Variants in HYDIN observed in about 807,000 individuals in gnomAD.
The protein encoded by HYDIN is axonemal central pair apparatus protein HYDIN.
Under a neutral mutation model 403.9 loss-of-function variants are expected in HYDIN, and 132 were observed. The ratio of observed to expected loss-of-function variants is 0.33; its 90% CI spans 0.28 to 0.38. The LOEUF is 0.38. HYDIN is among the 10% of genes least tolerant of loss of function. The pLI is 1.00. For synonymous variants in HYDIN, 1,202 were observed against 1,891.7 expected (o/e 0.64, Z 9.46); for missense variants, 2,827 against 5,009.5 (o/e 0.56, Z 13.15).
At position 71,110,432 on chromosome 16, in the gene HYDIN, A is replaced by ATT. The variant is rs1248546718; in HGVS notation, c.1327+5263_1327+5264insAA. On this transcript the variant is annotated intron_variant, in intron 10 of 85. Transcript: ENST00000393567. ...TATAATATATTTATATATAATTATA[A>ATT]ATATATAAATAATATAATATATAAA... Among the ~76,000 whole-genome samples, 1,260 of 141,746 alleles carry ATT rather than the reference A, an allele frequency of 8.9e-3. 17 individuals carry two copies. The highest frequency in any genetic ancestry group is 0.032 in the African/African-American group (1,221 of 38,548). 93.0% of individuals were successfully genotyped at this position (141,746 alleles called of 152,430 possible).
chr16:70,883,006 T>C lies in HYDIN; in HGVS notation c.9980-111A>G, dbSNP rs144002731. On this transcript the variant is annotated intron_variant, in intron 59 of 85. Coordinates refer to ENST00000393567, the MANE Select transcript of HYDIN (RefSeq NM_001270974.2). ...ACAAAGGAGAATTGTGGAGGACACA[T>C]AGGCGAAGTCATGCAAGGGGGTGTG... The C allele has an allele frequency of 1.4e-3, 1,155 of 854,810 alleles. 1 individual carries two copies. Among genetic ancestry groups the C allele is most frequent in the Admixed American group, 1.7e-3 (92 of 54,054 alleles). 53.0% of individuals were successfully genotyped at this position (854,810 alleles called of 1,614,324 possible). A position where few individuals can be genotyped will look rare whatever the true frequency, so the allele number is the denominator to read the frequency against.
Position 70,879,394 on chromosome 16 carries a change from T to C in HYDIN, c.10460A>G (p.Gln3487Arg). 6.3e-7 allele frequency: 1 copy of C among 1,583,326 alleles called. No individual in the cohort carries two copies. The highest frequency in any genetic ancestry group is 8.7e-7 in the Non-Finnish European group (1 of 1,153,566). ...VTVVRPVLHNQYGNPLLLFKR... is the reference protein window; with the variant it reads ...VTVVRPVLHNRYGNPLLLFKR... ...AAAGAGGAGCAAGGGGTTTCCATAT[T>C]GGTTATGAAGAACTGGCCGCACAAC... Residue 3487 changes from glutamine (Q) to arginine (R), a missense_variant, in exon 62 of 86, where the codon CAA (glutamine) becomes CGA (arginine). By Grantham distance (43) the Gln-to-Arg change is conservative. Coordinates refer to ENST00000393567, the MANE Select transcript of HYDIN (RefSeq NM_001270974.2).
chr16:71,049,686 C>T (rs1460418091), intron 18 of HYDIN, among the ~76,000 whole-genome samples: 1 of 149,198 alleles, frequency 6.7e-6, no homozygotes, highest in Admixed American at 6.7e-5. Context: ...AAAATGCACC[C>T]GAGATTCTTA....
chr16:71,115,682 G>A lies in HYDIN; in HGVS notation c.1327+14C>T. 1.2e-6 allele frequency: 1 copy of A among 844,144 alleles called. No homozygotes were observed. The highest frequency in any genetic ancestry group is 2.0e-6 in the Non-Finnish European group (1 of 495,540). 52.3% of individuals were successfully genotyped at this position (844,144 alleles called of 1,614,324 possible). A position where few individuals can be genotyped will look rare whatever the true frequency, so the allele number is the denominator to read the frequency against. On this transcript the variant is annotated intron_variant, in intron 10 of 85. Coordinates refer to ENST00000393567, the MANE Select transcript of HYDIN (RefSeq NM_001270974.2). The stretch of plus-strand genomic sequence containing the variant: ...CCTGGTAACCTGAGTTTACCACTTG[G>A]AGGAGGTCACTACCTAAAATGTCGC...
At chr16:70,907,612 A>T in intron 49 of HYDIN, 121 bp from the exon 50 acceptor site, 1 of 409,516 alleles carries the variant, frequency 2.4e-6, no homozygotes, top group Non-Finnish European at 4.5e-6. Context: ...ATCTGGAGAC[A>T]GAGTGACTCT....
In HYDIN at chr16:70,803,497, C is replaced by G. The variant is rs1422696502; in HGVS notation, c.*4083G>C. 6.6e-6 allele frequency among the ~76,000 whole-genome samples: 1 copy of G among 152,216 alleles called. No individual in the cohort carries two copies. Among genetic ancestry groups the G allele is most frequent in the Non-Finnish European group, 1.5e-5 (1 of 68,042 alleles). ...TGACTGCATACTAGTCATTATTTCA[C>G]AGTTACAATTCATCTGCATCTGTGT... On this transcript the variant is annotated 3_prime_UTR_variant, in exon 86 of 86. Coordinates refer to ENST00000393567, the MANE Select transcript of HYDIN (RefSeq NM_001270974.2).
At chr16:70,834,976 G>GTA (rs139272178) in intron 78 of HYDIN, among the ~76,000 whole-genome samples, 1,618 of 132,214 alleles carry the variant, frequency 0.012, 14 homozygotes, top group East Asian at 0.02. Context: ...ATATATGTGT[G>GTA]TATATATATA....
At chr16:70,811,873 T>A in intron 84 of HYDIN, among the ~76,000 whole-genome samples, 2 of 127,762 alleles carry the variant, frequency 1.6e-5, no homozygotes, top group African/African-American at 3.0e-5. Context: ...AAAAAAAAAA[T>A]CAGACCCAAG....
intron 59 of HYDIN, 56 bp downstream of exon 59, chr16:70,883,864 C>T: frequency 1.9e-6 from 3 of 1,561,992 alleles, no homozygotes. Context: ...AGCCACTGCA[C>T]CAGGTCTCAG....
At chr16:71,204,801 T>C (rs181437726) in intron 1 of HYDIN, among the ~76,000 whole-genome samples, 1 of 152,330 alleles carries the variant, frequency 6.6e-6, no homozygotes. Flanking sequence ...GAAAAATATC[T>C]GTTTCCACTC....
At chr16:71,228,120 G>A (rs4306515) in intron 1 of HYDIN, among the ~76,000 whole-genome samples, 53,138 of 151,724 alleles carry the variant, frequency 0.35, 9,761 homozygotes, top group East Asian at 0.57. Context: ...GTAGAAAGCT[G>A]AAACTGGATC....
At chr16:70,916,066 A>T (rs1398692852) in intron 47 of HYDIN, among the ~76,000 whole-genome samples, 1 of 151,842 alleles carries the variant, frequency 6.6e-6, no homozygotes, top group Non-Finnish European at 1.5e-5. Flanking sequence ...CAGGCTACCC[A>T]CCTCCCAGCT....
At chr16:70,981,732 C>T (rs542544298) in intron 28 of HYDIN, among the ~76,000 whole-genome samples, 164 bp from the exon 29 acceptor site, 75 of 152,160 alleles carry the variant, frequency 4.9e-4, no homozygotes, top group African/African-American at 1.5e-3. Flanking sequence ...AGAAGAGGTT[C>T]GTAAATCCAC....
chr16:70,999,182 T>C (rs1480227731), intron 23 of HYDIN, among the ~76,000 whole-genome samples: 4 of 152,196 alleles, frequency 2.6e-5, no homozygotes, highest in Non-Finnish European at 4.4e-5. Context: ...TGGCTGGCCA[T>C]TGGGATCCTT....
chr16:70,991,425 C>G (rs1215107334), intron 24 of HYDIN, 29 bp from the exon 25 acceptor site: 4 of 1,608,870 alleles, frequency 2.5e-6, no homozygotes, highest in Non-Finnish European at 3.4e-6. Context: ...TGCAGAGATT[C>G]ACTCATTGGG....
rs766520243 is a variant in HYDIN at position 70,874,920 on chromosome 16, CT to C, written c.10558-2del. 6.3e-7 allele frequency: 1 copy of C among 1,594,078 alleles called. No homozygotes were observed. The highest frequency in any genetic ancestry group is 8.5e-7 in the Non-Finnish European group (1 of 1,171,854). Reference sequence around the variant, plus strand: ...GCTCATCCTGCAGGTCAACATGCAGCTGGCAGAAGGAAAGCAGGGATGAGTG... The same window carrying C: ...GCTCATCCTGCAGGTCAACATGCAGCGGCAGAAGGAAAGCAGGGATGAGTG... On this transcript the variant is annotated splice_acceptor_variant, in intron 62 of 85. Coordinates refer to ENST00000393567, the MANE Select transcript of HYDIN (RefSeq NM_001270974.2). LOFTEE classifies it high-confidence loss of function.
chr16:70,945,494 G>A (rs538872625), intron 41 of HYDIN, among the ~76,000 whole-genome samples: 1 of 152,202 alleles, frequency 6.6e-6, no homozygotes, highest in Non-Finnish European at 1.5e-5. Context: ...AGAATTTCGA[G>A]AGTCATAAGC....
chr16:71,114,048 A>G (rs1452012180), intron 10 of HYDIN: 4 of 150,678 alleles, frequency 2.7e-5, no homozygotes, highest in Non-Finnish European at 5.9e-5. Context: ...GCATCCTGGC[A>G]TGTGATCTGA....
rs894864331 is a variant in HYDIN, at chr16:70,843,466, A to T, written c.12874-3233T>A. Among the ~76,000 whole-genome samples, 135 of 126,284 alleles carry T rather than the reference A, an allele frequency of 1.1e-3. 5 individuals are homozygous for T. Among genetic ancestry groups the T allele is most frequent in the African/African-American group, 5.1e-3 (125 of 24,582 alleles). The allele number at this position is 126,284 out of a possible 152,430, so 82.8% of individuals were successfully genotyped here. The stretch of plus-strand genomic sequence containing the variant: ...ATTGTTGGACATTTGGGTTGGTTCC[A>T]AGTCTTTGCTATTGTGAATAATGCT... On this transcript the variant is annotated intron_variant, in intron 75 of 85. Transcript: ENST00000393567.
Sources: allele counts gnomAD v4.1 joint callset (sites outside exome capture counted in the v4.1 genomes callset), GRCh38; gene constraint gnomAD v4.1.1; transcripts MANE v1.5; gene names NCBI Gene and HGNC (gene_info 2026-07-23, HGNC 2026-07-21).